Variants in DSCAM observed in about 807,000 individuals in gnomAD.
DSCAM encodes DS cell adhesion molecule, also known as cell adhesion molecule DSCAM.
In DSCAM, 47 loss-of-function variants were observed where a neutral mutation model predicts 217.7. The ratio of observed to expected loss-of-function variants is 0.22; its 90% confidence interval spans 0.17 to 0.28. DSCAM has a LOEUF of 0.28. Ranked by LOEUF, DSCAM falls within the 10% of genes least tolerant of loss-of-function variation. The pLI, the probability that DSCAM is intolerant of heterozygous loss-of-function variation, is 1.00. For synonymous variants in DSCAM, 1,056 were observed against 1,015.3 expected, an observed-to-expected ratio of 1.04 and a Z score of -0.76; for missense variants, 2,080 against 2,618.3, an observed-to-expected ratio of 0.79 and a Z score of 4.49.
rs763404222 is a variant in DSCAM, at chr21:40,353,617, T to C, written c.782A>G (p.Asp261Gly). ...CCCTGAAAGTTCCAGGGGCATGTTG[T>C]CCTTCAGCCAGCGGTAATCTGGCTC... Reference protein sequence around the residue: ...HPEPDYRWLKDNMPLELSGRF... With the variant: ...HPEPDYRWLKGNMPLELSGRF... Residue 261 changes from aspartate to glycine, a missense_variant, in exon 5 of 33, where the codon GAC (aspartate) becomes GGC (glycine). By Grantham distance (94) the Asp-to-Gly change is moderately conservative (BLOSUM62 -1). Transcript: ENST00000400454. The C allele has an allele frequency of 1.2e-6, 2 of 1,611,686 alleles. No individual in the cohort carries two copies. The highest frequency in any genetic ancestry group is 1.7e-6 in the Non-Finnish European group (2 of 1,179,514).
At chr21:40,378,902 A>AACTT (rs2074993194) in intron 3 of DSCAM, among the ~76,000 whole-genome samples, 1 of 149,758 alleles carries the variant, frequency 6.7e-6, no homozygotes, top group African/African-American at 2.5e-5. Flanking sequence ...CAACAATGAA[A>AACTT]ACTTATACAT....
chr21:40,794,301 T>C (rs112999901), intron 1 of DSCAM, among the ~76,000 whole-genome samples: 13 of 152,298 alleles, frequency 8.5e-5, no homozygotes, highest in African/African-American at 3.1e-4. Flanking sequence ...TTAATTCATT[T>C]TTTTCCTTGC....
rs1045110683 is a variant in DSCAM at position 40,178,815 on chromosome 21, A to G, written c.2947+112T>C. On this transcript the variant is annotated intron_variant, in intron 15 of 32. Transcript: ENST00000400454. ...CACAGAACTACGGAGAGCACGCATC[A>G]AAGACCTCCGCCTAGCACGGGCAAA... is the stretch of plus-strand genomic sequence containing the variant. 6 of 1,366,254 alleles carry G rather than the reference A, an allele frequency of 4.4e-6. No individual in the cohort carries two copies. In the African/African-American group the frequency reaches 8.6e-5, roughly 20 times the overall value. 84.6% of individuals were successfully genotyped at this position (1,366,254 alleles called of 1,614,324 possible).
At chr21:40,732,708 C>G (rs1007201146) in intron 1 of DSCAM, among the ~76,000 whole-genome samples, 1 of 152,168 alleles carries the variant, frequency 6.6e-6, no homozygotes, top group African/African-American at 2.4e-5. Context: ...AAAGTCTAGC[C>G]TGAATCCAAG....
At chr21:40,106,622 C>T (rs2089824520) in intron 20 of DSCAM, among the ~76,000 whole-genome samples, 1 of 152,196 alleles carries the variant, frequency 6.6e-6, no homozygotes, top group South Asian at 2.1e-4. Context: ...ATTTGGTAGG[C>T]TACTTATTCC....
intron 3 of DSCAM, among the ~76,000 whole-genome samples, chr21:40,623,219 A>G (rs1475261423): frequency 7.4e-6 from 1 of 135,874 alleles, no homozygotes; most frequent in Non-Finnish European, 1.6e-5. Flanking sequence ...GACTGCATAA[A>G]ATATTTTGAA....
chr21:40,284,699 C>T (rs753280808), intron 10 of DSCAM, among the ~76,000 whole-genome samples: 2 of 152,210 alleles, frequency 1.3e-5, no homozygotes, highest in African/African-American at 4.8e-5. Flanking sequence ...TTAGTTCCTA[C>T]ACTTCTCAGG....
chr21:40,246,001 T>C (rs958403460), intron 11 of DSCAM, among the ~76,000 whole-genome samples: 1 of 152,156 alleles, frequency 6.6e-6, no homozygotes, highest in South Asian at 2.1e-4. Context: ...TTTTGTTCTC[T>C]GTATCTGCTT....
chr21:40,775,527 C>G (rs2091480372), intron 1 of DSCAM, among the ~76,000 whole-genome samples: 1 of 152,094 alleles, frequency 6.6e-6, no homozygotes, highest in Non-Finnish European at 1.5e-5. Context: ...ATACAGAAGG[C>G]AAATTGGAAA....
chr21:40,230,641 T>C (rs2091373030), intron 11 of DSCAM, among the ~76,000 whole-genome samples: 1 of 152,240 alleles, frequency 6.6e-6, no homozygotes, highest in African/African-American at 2.4e-5. Flanking sequence ...TTTTAATAAG[T>C]ATTTTTATTT....
At chr21:40,089,075 G>T (rs1262425831) in intron 21 of DSCAM, among the ~76,000 whole-genome samples, 1 of 151,882 alleles carries the variant, frequency 6.6e-6, no homozygotes, top group Non-Finnish European at 1.5e-5. Flanking sequence ...ATTAACTCCA[G>T]GACTTATGAA....
intron 11 of DSCAM, among the ~76,000 whole-genome samples, chr21:40,255,117 C>T (rs948780229): frequency 2.0e-5 from 3 of 151,924 alleles, no homozygotes; most frequent in East Asian, 1.9e-4. Context: ...ATTGAGGAGA[C>T]GACTCCATTT....
At chr21:40,548,232 A>G (rs1440888564) in intron 3 of DSCAM, among the ~76,000 whole-genome samples, 1 of 152,210 alleles carries the variant, frequency 6.6e-6, no homozygotes, top group Non-Finnish European at 1.5e-5. Flanking sequence ...AGGCGAGTGT[A>G]TTACTATTTA....
chr21:40,167,179 G>C, intron 16 of DSCAM, 39 bp downstream of exon 16: 3 of 1,587,574 alleles, frequency 1.9e-6, no homozygotes, highest in South Asian at 1.1e-5. Context: ...CTCGCCCTGG[G>C]GGGAAAGCAC....
intron 20 of DSCAM, among the ~76,000 whole-genome samples, chr21:40,104,720 A>G (rs1167535862): frequency 1.3e-5 from 2 of 152,190 alleles, no homozygotes; most frequent in African/African-American, 4.8e-5. Context: ...TGATGTGTCA[A>G]TGTAGGTTCC....
chr21:40,236,105 C>T (rs1234229335), intron 11 of DSCAM, among the ~76,000 whole-genome samples: 2 of 152,162 alleles, frequency 1.3e-5, no homozygotes, highest in Non-Finnish European at 2.9e-5. Flanking sequence ...TCTGCCGATG[C>T]AGCTGCATGT....
chr21:40,226,028 G>A (rs1323268340), intron 11 of DSCAM, among the ~76,000 whole-genome samples: 2 of 152,202 alleles, frequency 1.3e-5, no homozygotes, highest in African/African-American at 2.4e-5. Flanking sequence ...TTTACGAACT[G>A]CTTTACATGC....
At chr21:40,339,964 T>G (rs1601565202) in intron 6 of DSCAM, among the ~76,000 whole-genome samples, 1 of 152,350 alleles carries the variant, frequency 6.6e-6, no homozygotes, top group East Asian at 1.9e-4. Flanking sequence ...TTCATCATTT[T>G]CTCATAAGAA....
intron 11 of DSCAM, among the ~76,000 whole-genome samples, chr21:40,224,250 C>G (rs1162961117): frequency 6.6e-6 from 1 of 152,094 alleles, no homozygotes; most frequent in South Asian, 2.1e-4. Flanking sequence ...AACACCAACA[C>G]TATTTCAAAC....
Sources: gnomAD v4.1 joint callset for allele counts (sites outside exome capture counted in the v4.1 genomes callset) on GRCh38, gnomAD v4.1.1 for gene constraint, MANE v1.5 for transcripts, NCBI Gene and HGNC (gene_info 2026-07-23, HGNC 2026-07-21) for gene names.